FABP6: variants seen among roughly 807,000 people sequenced by gnomAD.
FABP6 encodes fatty acid binding protein 6.
In FABP6, 13 loss-of-function variants were observed where a neutral mutation model predicts 14.9. That is an observed-to-expected ratio of 0.87 (90% CI 0.57 to 1.39). The LOEUF (loss-of-function observed/expected upper bound fraction) is 1.39. FABP6 is among the 40% of genes most tolerant of loss of function. FABP6 has a pLI of 0.00. For missense variants in FABP6, 161 were observed against 167.2 expected (o/e 0.96, Z 0.20); for synonymous variants, 75 against 63.6 (o/e 1.18, Z -0.85).
chr5:160,207,749 G>T (rs1272933985), intron 2 of FABP6, among the ~76,000 whole-genome samples: 2 of 137,098 alleles, frequency 1.5e-5, no homozygotes, highest in African/African-American at 2.7e-5. Context: ...TTGAGATGAA[G>T]TCTCGCTTTT....
At chr5:160,209,509 G>A (rs1759842671) in intron 2 of FABP6, among the ~76,000 whole-genome samples, 1 of 152,044 alleles carries the variant, frequency 6.6e-6, no homozygotes, top group Non-Finnish European at 1.5e-5. Context: ...GTGACAAAGT[G>A]AGACCCTGTC....
At chr5:160,199,265 A>T in intron 2 of FABP6, 1 of 1,122,664 alleles carries the variant, frequency 8.9e-7, no homozygotes, top group Admixed American at 1.8e-5. Flanking sequence ...TTTCTCTGTG[A>T]TGCTAATAAC....
At chr5:160,227,073 G>C (rs766052106), upstream of FABP6, among the ~76,000 whole-genome samples, 2 of 152,160 alleles carry the variant, frequency 1.3e-5, no homozygotes, top group Non-Finnish European at 1.5e-5. Context: ...TCCAGCAATA[G>C]CTAAGTAAGT....
At chr5:160,200,237 G>T (rs952637679) in intron 2 of FABP6, among the ~76,000 whole-genome samples, 1 of 152,144 alleles carries the variant, frequency 6.6e-6, no homozygotes. Context: ...CCTGCAGTTA[G>T]TCATTATTCT....
upstream of FABP6, among the ~76,000 whole-genome samples, chr5:160,227,852 C>G (rs4989809): frequency 0.52 from 69,738 of 135,004 alleles, 17,728 homozygotes; most frequent in Middle Eastern, 0.6. Context: ...GTGTGTGTGT[C>G]TGTCTGTCTG....
At chr5:160,231,999 AG>A in intron 1 of FABP6, 98 bp from the exon 2 acceptor site, 1 of 1,376,286 alleles carries the variant, frequency 7.3e-7, no homozygotes, top group Non-Finnish European at 9.9e-7. Flanking sequence ...ATCATGCACA[AG>A]GGGGTAGGGC....
At chr5:160,193,955 C>T (rs567747689) in intron 1 of FABP6, among the ~76,000 whole-genome samples, 11 of 152,344 alleles carry the variant, frequency 7.2e-5, no homozygotes, top group East Asian at 3.9e-4. Context: ...GGGCGGCGCT[C>T]GTCGGGGAGG....
chr5:160,225,972 G>A (rs1392449743), upstream of FABP6, among the ~76,000 whole-genome samples: 2 of 151,850 alleles, frequency 1.3e-5, no homozygotes, highest in Non-Finnish European at 2.9e-5. Flanking sequence ...TCAGGAGTTC[G>A]AAACCAGCCT....
intron 3 of FABP6, among the ~76,000 whole-genome samples, chr5:160,218,378 C>A (rs956941351): frequency 6.6e-6 from 1 of 151,944 alleles, no homozygotes; most frequent in Non-Finnish European, 1.5e-5. Flanking sequence ...ACCTAGGCAG[C>A]CTGTGCCTAG....
At chr5:160,222,917 G>A (rs182307594) in intron 3 of FABP6, among the ~76,000 whole-genome samples, 50 of 152,202 alleles carry the variant, frequency 3.3e-4, no homozygotes, top group African/African-American at 1.2e-3. Flanking sequence ...GGAAATATAG[G>A]CATACCTTGT....
intron 2 of FABP6, among the ~76,000 whole-genome samples, chr5:160,213,508 T>A (rs1580910576): frequency 6.6e-6 from 1 of 152,204 alleles, no homozygotes; most frequent in South Asian, 2.1e-4. Flanking sequence ...GTGGCTGTGG[T>A]TCTAGCTGTT....
At chr5:160,218,759 C>G (rs62379616) in intron 3 of FABP6, among the ~76,000 whole-genome samples, 4 of 148,636 alleles carry the variant, frequency 2.7e-5, no homozygotes, top group Non-Finnish European at 4.4e-5. Flanking sequence ...CTGCGCCTGG[C>G]CTTTTTTTTT....
chr5:160,188,469 G>A (rs1436224721), intron 1 of FABP6, among the ~76,000 whole-genome samples: 1 of 152,206 alleles, frequency 6.6e-6, no homozygotes, highest in African/African-American at 2.4e-5. Flanking sequence ...TTGCTCCAAA[G>A]CCAAAGAGCG....
At chr5:160,237,581 C>T (rs1760544801) in intron 3 of FABP6, among the ~76,000 whole-genome samples, 2 of 152,110 alleles carry the variant, frequency 1.3e-5, no homozygotes, top group Non-Finnish European at 2.9e-5. Context: ...TTCTCATCAC[C>T]TCTCCCCTAC....
chr5:160,215,602 T>C (rs1410116620), intron 3 of FABP6, among the ~76,000 whole-genome samples: 1 of 150,860 alleles, frequency 6.6e-6, no homozygotes, highest in Non-Finnish European at 1.5e-5. Flanking sequence ...GCAGAAGGAT[T>C]GCCTGAGCCC....
rs752808930 is a variant in FABP6, at chr5:160,232,143, T to C, written c.113T>C (p.Val38Ala). 10 of 1,613,900 alleles carry C rather than the reference T, an allele frequency of 6.2e-6. No individual in the cohort carries two copies. The highest frequency in any genetic ancestry group is 8.5e-6 in the Non-Finnish European group (10 of 1,180,004). The change falls in exon 2 of 4, where the codon GTC (valine) becomes GCC (alanine). Residue 38 changes from valine to alanine, a missense_variant. Val to Ala is a moderately conservative substitution (Grantham distance 64). Transcript: ENST00000402432. ...VIEKARNFKI[V>A]TEVQQDGQDF... ...GAAAAGGCCCGCAACTTCAAGATCG[T>C]CACGGAGGTGCAGCAGGATGGGCAG...
chr5:160,217,560 G>T (rs998497808), intron 3 of FABP6, among the ~76,000 whole-genome samples: 1 of 152,146 alleles, frequency 6.6e-6, no homozygotes, highest in African/African-American at 2.4e-5. Flanking sequence ...TATACTCTGT[G>T]CCAGGTGCTG....
chr5:160,213,679 C>T, intron 2 of FABP6: 1 of 1,459,136 alleles, frequency 6.9e-7, no homozygotes, highest in Non-Finnish European at 9.6e-7. Context: ...CTGATTGGAC[C>T]AGAGATGCCC....
chr5:160,211,752 G>C (rs1296116748), intron 2 of FABP6, among the ~76,000 whole-genome samples: 1 of 152,058 alleles, frequency 6.6e-6, no homozygotes, highest in African/African-American at 2.4e-5. Context: ...TTTATTTTTT[G>C]GTTTGTCACC....
Sources: allele counts gnomAD v4.1 joint callset (sites outside exome capture counted in the v4.1 genomes callset), GRCh38; gene constraint gnomAD v4.1.1; transcripts MANE v1.5; gene names NCBI Gene and HGNC (gene_info 2026-07-23, HGNC 2026-07-21).